The following RTN3 variants were observed in gnomAD, a reference collection of about 807,000 sequenced individuals.
RTN3 encodes the protein reticulon-3.
In RTN3, 49 loss-of-function variants were observed where a neutral mutation model predicts 77.8. That is an observed-to-expected ratio of 0.63 (90% CI 0.50 to 0.80). The LOEUF (loss-of-function observed/expected upper bound fraction) is 0.80. Among genes scored for constraint, RTN3 ranks in the 30% least tolerant of loss-of-function variants. The pLI is 0.00. For synonymous variants in RTN3, 464 were observed against 446.9 expected, an observed-to-expected ratio of 1.04 and a Z score of -0.48; for missense variants, 1,236 against 1,211.9, an observed-to-expected ratio of 1.02 and a Z score of -0.29.
intron 3 of RTN3, among the ~76,000 whole-genome samples, chr11:63,734,754 CACACACACACACACACACACACA>C (rs1198561682): frequency 2.0e-5 from 3 of 149,552 alleles, no homozygotes; most frequent in Non-Finnish European, 4.5e-5. Flanking sequence ...CACACACACA[CACACACACACACACACACACACA>C]CACACCATAC....
intron 1 of RTN3, among the ~76,000 whole-genome samples, chr11:63,692,368 AT>A (rs769328746): frequency 6.6e-6 from 1 of 151,758 alleles, no homozygotes; most frequent in East Asian, 1.9e-4. Flanking sequence ...TCGGGGTTTT[AT>A]TTGCTGTTCA....
At position 63,758,052 on chromosome 11, in the gene RTN3, T is replaced by C. The variant is rs771168630; in HGVS notation, c.3054-104T>C. The C allele has an allele frequency of 1.0e-5, 8 of 797,084 alleles. 1 individual carries two copies. The highest frequency in any genetic ancestry group is 1.8e-5 in the African/African-American group (1 of 57,026). The allele number at this position is 797,084 out of a possible 1,614,324, so 49.4% of individuals were successfully genotyped here. ...CCGGGAGAATGCATTTCACATTGCT[T>C]ATGCAAGTCCAGGACTGTCCTCTAG... On this transcript the variant is annotated intron_variant, in intron 8 of 8. Transcript: ENST00000377819.
chr11:63,734,364 T>C (rs1427248537), intron 3 of RTN3, among the ~76,000 whole-genome samples: 1 of 151,836 alleles, frequency 6.6e-6, no homozygotes, highest in Non-Finnish European at 1.5e-5. Flanking sequence ...GGAGAATCCC[T>C]TGAACTCAAC....
chr11:63,694,846 C>G (rs1036103003), intron 1 of RTN3, among the ~76,000 whole-genome samples: 3 of 152,170 alleles, frequency 2.0e-5, no homozygotes, highest in Non-Finnish European at 4.4e-5. Context: ...TTTGTTCTTC[C>G]TCTTAGATTG....
intron 3 of RTN3, among the ~76,000 whole-genome samples, chr11:63,730,869 A>G (rs1377294517): frequency 6.6e-6 from 1 of 152,134 alleles, no homozygotes; most frequent in Non-Finnish European, 1.5e-5. Context: ...TAATTGGAAA[A>G]TTTAATACCT....
chr11:63,699,877 C>T (rs1054652243), intron 1 of RTN3, among the ~76,000 whole-genome samples: 5 of 152,128 alleles, frequency 3.3e-5, no homozygotes, highest in Non-Finnish European at 5.9e-5. Context: ...TCCTGGACTT[C>T]GCTACTTAAT....
chr11:63,691,114 C>CTTTTTTTTTTTT (rs796809025), intron 1 of RTN3, among the ~76,000 whole-genome samples: 3 of 91,878 alleles, frequency 3.3e-5, no homozygotes, highest in Non-Finnish European at 6.3e-5. Context: ...ATTGCTAATT[C>CTTTTTTTTTTTT]TTTTTTTTTT....
chr11:63,717,544 C>T (rs897030107), intron 2 of RTN3, among the ~76,000 whole-genome samples: 37 of 151,630 alleles, frequency 2.4e-4, no homozygotes, highest in African/African-American at 8.2e-4. Flanking sequence ...CCTGCCACCA[C>T]GCCCGGCTAA....
Position 63,719,084 on chromosome 11 carries a change from G to A in RTN3, c.582G>A (p.Glu194=). The change falls in exon 3 of 9, where the codon GAG becomes GAA. Residue 194 remains glutamate (E), a synonymous_variant. Coordinates refer to ENST00000377819, the MANE Select transcript of RTN3 (RefSeq NM_001265589.2). ...ACCCAAATGGGGTATCAAGTAGGGA[G>A]GCTAAAACTGCATTGGATGCTGATG... is the stretch of plus-strand genomic sequence containing the variant. ...TKNPNGVSSR[E]AKTALDADDR... 2 of 1,614,194 alleles carry A rather than the reference G, an allele frequency of 1.2e-6. No homozygotes were observed. The highest frequency in any genetic ancestry group is 4.5e-5 in the East Asian group (2 of 44,886).
At chr11:63,702,082 T>G (rs1289301482) in intron 1 of RTN3, among the ~76,000 whole-genome samples, 1 of 152,224 alleles carries the variant, frequency 6.6e-6, no homozygotes, top group Non-Finnish European at 1.5e-5. Flanking sequence ...CCCTGTCCTT[T>G]AAAGCAATCT....
intron 3 of RTN3, among the ~76,000 whole-genome samples, chr11:63,737,877 G>C (rs2013234071): frequency 6.6e-6 from 1 of 152,224 alleles, no homozygotes; most frequent in African/African-American, 2.4e-5. Context: ...CCAAAAGTAT[G>C]TGTGTCTGTC....
intron 1 of RTN3, among the ~76,000 whole-genome samples, chr11:63,692,375 G>C (rs779362231): frequency 7.9e-5 from 12 of 152,012 alleles, no homozygotes; most frequent in Non-Finnish European, 1.5e-4. Context: ...TTTATTTGCT[G>C]TTCACTCTGC....
rs1941983386 is a variant in RTN3, at chr11:63,696,907, T to TG, written c.143-7942dup. 3.4e-5 allele frequency among the ~76,000 whole-genome samples: 3 copies of TG among 88,216 alleles called. No individual in the cohort carries two copies. The South Asian group carries it at 1.2e-3, about 36-fold the overall frequency. 57.9% of individuals were successfully genotyped at this position (88,216 alleles called of 152,430 possible). On this transcript the variant is annotated intron_variant, in intron 1 of 8. Transcript: ENST00000377819. ...TTTTTTTTTTTTTTTTTTTTTGAGATGGAGTCTTGCTCTGTCGCCCAGGCT... is the reference window on the plus strand; with the variant it reads ...TTTTTTTTTTTTTTTTTTTTTGAGATGGGAGTCTTGCTCTGTCGCCCAGGCT...
At chr11:63,717,926 A>G (rs1325793112) in intron 2 of RTN3, among the ~76,000 whole-genome samples, 1 of 151,446 alleles carries the variant, frequency 6.6e-6, no homozygotes, top group Non-Finnish European at 1.5e-5. Flanking sequence ...GAGGCAGGAG[A>G]ATGGCTTGAA....
At chr11:63,704,419 T>C (rs1942395603) in intron 1 of RTN3, among the ~76,000 whole-genome samples, 1 of 152,294 alleles carries the variant, frequency 6.6e-6, no homozygotes, top group African/African-American at 2.4e-5. Context: ...CAATTAGATA[T>C]TTTCAAATGC....
intron 4 of RTN3, 33 bp from the exon 5 acceptor site, chr11:63,752,474 C>CA (rs2014156811): frequency 1.3e-6 from 2 of 1,599,518 alleles, no homozygotes; most frequent in Non-Finnish European, 1.7e-6. Context: ...TCTTCCATGT[C>CA]AAATGTATGA....
At chr11:63,700,906 A>G (rs1463552322) in intron 1 of RTN3, among the ~76,000 whole-genome samples, 1 of 151,634 alleles carries the variant, frequency 6.6e-6, no homozygotes, top group Non-Finnish European at 1.5e-5. Flanking sequence ...CCTGGCCAAC[A>G]TGGTGAAACC....
intron 1 of RTN3, among the ~76,000 whole-genome samples, chr11:63,682,251 T>G (rs973102111): frequency 6.6e-6 from 1 of 152,212 alleles, no homozygotes; most frequent in Non-Finnish European, 1.5e-5. Flanking sequence ...CAAGCATTCA[T>G]GATAGTCCTC....
intron 8 of RTN3, among the ~76,000 whole-genome samples, chr11:63,756,385 CT>C (rs1435927267): frequency 3.3e-5 from 5 of 152,104 alleles, no homozygotes; most frequent in African/African-American, 1.2e-4. Flanking sequence ...CCTTCTGGAC[CT>C]TTGTAGGCCA....
Sources: gnomAD v4.1 joint callset for allele counts (sites outside exome capture counted in the v4.1 genomes callset) on GRCh38, gnomAD v4.1.1 for gene constraint, MANE v1.5 for transcripts, NCBI Gene and HGNC (gene_info 2026-07-23, HGNC 2026-07-21) for gene names.